FBN2: variants seen among roughly 807,000 people sequenced by gnomAD.
The protein encoded by FBN2 is fibrillin 2.
Under a neutral mutation model 355.6 loss-of-function variants are expected in FBN2, and 105 were observed. That is an observed-to-expected ratio of 0.30 (90% CI 0.25 to 0.35). The LOEUF (loss-of-function observed/expected upper bound fraction) is 0.35. Among genes scored for constraint, FBN2 ranks in the 10% least tolerant of loss-of-function variants. The pLI is 1.00. For missense variants in FBN2, 3,280 were observed against 3,758.7 expected, an observed-to-expected ratio of 0.87 and a Z score of 3.33; for synonymous variants, 1,350 against 1,301.2, an observed-to-expected ratio of 1.04 and a Z score of -0.81.
intron 2 of FBN2, 60 bp downstream of exon 2, chr5:128,536,342 G>C: frequency 1.5e-6 from 2 of 1,336,622 alleles, no homozygotes; most frequent in South Asian, 1.2e-5. Flanking sequence ...AGTGCAAGAG[G>C]TCGGCCGGAG....
At chr5:128,277,075 T>G (rs912295957) in intron 58 of FBN2, among the ~76,000 whole-genome samples, 1 of 152,224 alleles carries the variant, frequency 6.6e-6, no homozygotes, top group Non-Finnish European at 1.5e-5. Context: ...CTATTACTCA[T>G]GCTCTTCTGT....
chr5:128,500,973 T>G (rs1008701994), intron 5 of FBN2, among the ~76,000 whole-genome samples: 2 of 152,206 alleles, frequency 1.3e-5, no homozygotes, highest in Non-Finnish European at 2.9e-5. Context: ...CAGGGTTAGT[T>G]ATCCTCAGCA....
At chr5:128,487,020 C>A (rs1025784707) in intron 5 of FBN2, among the ~76,000 whole-genome samples, 3 of 152,178 alleles carry the variant, frequency 2.0e-5, no homozygotes, top group Non-Finnish European at 4.4e-5. Flanking sequence ...TTCCCAATAT[C>A]CAATTTTCCT....
intron 5 of FBN2, among the ~76,000 whole-genome samples, chr5:128,471,049 A>G (rs1264790731): frequency 6.6e-6 from 1 of 152,182 alleles, no homozygotes; most frequent in Non-Finnish European, 1.5e-5. Flanking sequence ...ATCAACTTGC[A>G]TGGTCTTTCA....
chr5:128,328,838 A>G lies in FBN2; in HGVS notation c.4346-17T>C. The stretch of plus-strand genomic sequence containing the variant: ...CATCAACATCTGTGCAAAAAAGCAA[A>G]TTACATCTCTGTTAAGTTCCAAATT... On this transcript the variant is annotated splice_polypyrimidine_tract_variant and intron_variant, in intron 33 of 64. Transcript: ENST00000262464. 2 of 1,613,976 alleles carry G rather than the reference A, an allele frequency of 1.2e-6. No individual in the cohort carries two copies. The highest frequency in any genetic ancestry group is 1.1e-5 in the South Asian group (1 of 91,066).
At chr5:128,520,132 T>C (rs1756392080) in intron 4 of FBN2, among the ~76,000 whole-genome samples, 2 of 152,296 alleles carry the variant, frequency 1.3e-5, no homozygotes, top group South Asian at 4.1e-4. Context: ...TTTGCTCCTT[T>C]AGCCTTGTGA....
intron 58 of FBN2, among the ~76,000 whole-genome samples, chr5:128,276,386 C>A (rs1474220432): frequency 6.6e-6 from 1 of 152,132 alleles, no homozygotes; most frequent in East Asian, 1.9e-4. Context: ...GTCTAGACAA[C>A]TGTCTGGGTC....
In FBN2 at chr5:128,499,683, C is replaced by A. The variant is rs182600329; in HGVS notation, c.628+19590G>T. On this transcript the variant is annotated intron_variant, in intron 5 of 64. Transcript: ENST00000262464. ...AAGATGAGTAAACACTGATCTAGCC[C>A]AATGTCCTCATTTTTCAAACAAGAA... 7.9e-5 allele frequency among the ~76,000 whole-genome samples: 12 copies of A among 152,266 alleles called. 1 individual carries two copies. Among genetic ancestry groups the A allele is most frequent in the Admixed American group, 1.3e-4 (2 of 15,304 alleles).
At chr5:128,427,121 C>G (rs139373623) in intron 7 of FBN2, among the ~76,000 whole-genome samples, 17 of 152,218 alleles carry the variant, frequency 1.1e-4, no homozygotes, top group Admixed American at 2.0e-4. Flanking sequence ...CAAATTAACC[C>G]TCTAAAACTA....
chr5:128,465,083 T>C (rs553458745), intron 5 of FBN2, among the ~76,000 whole-genome samples, 162 bp from the exon 6 acceptor site: 1 of 152,236 alleles, frequency 6.6e-6, no homozygotes, highest in Non-Finnish European at 1.5e-5. Context: ...TTTCCATTCA[T>C]GAGAAGTACC....
intron 5 of FBN2, among the ~76,000 whole-genome samples, chr5:128,473,321 T>C (rs1189180820): frequency 6.6e-6 from 1 of 152,234 alleles, no homozygotes; most frequent in Non-Finnish European, 1.5e-5. Context: ...AAACAATATC[T>C]TCTTGTTGAA....
chr5:128,350,121 G>T (rs1465532354), intron 21 of FBN2, 116 bp from the exon 22 acceptor site: 3 of 847,126 alleles, frequency 3.5e-6, no homozygotes, highest in African/African-American at 3.4e-5. Context: ...GCAAGGCAGG[G>T]TCTTAGGGTC....
intron 36 of FBN2, among the ~76,000 whole-genome samples, chr5:128,315,197 CTA>C (rs1339137643): frequency 6.6e-6 from 1 of 152,036 alleles, no homozygotes; most frequent in Non-Finnish European, 1.5e-5. Context: ...TATTATAAAA[CTA>C]ATATACAGAA....
chr5:128,423,173 T>C (rs1432940295), intron 7 of FBN2, among the ~76,000 whole-genome samples: 3 of 151,900 alleles, frequency 2.0e-5, no homozygotes, highest in East Asian at 1.9e-4. Context: ...TTGAAACAGA[T>C]AAACAGGCCA....
chr5:128,360,005 A>T (rs1198277817), intron 19 of FBN2, among the ~76,000 whole-genome samples: 1 of 152,120 alleles, frequency 6.6e-6, no homozygotes, highest in Non-Finnish European at 1.5e-5. Flanking sequence ...AGACAGAGAA[A>T]CCAGTTCTAA....
At chr5:128,428,559 T>G (rs747399556) in intron 7 of FBN2, among the ~76,000 whole-genome samples, 1 of 152,176 alleles carries the variant, frequency 6.6e-6, no homozygotes, top group South Asian at 2.1e-4. Context: ...TTCCTTCAGA[T>G]CTTTGCTGAA....
intron 23 of FBN2, among the ~76,000 whole-genome samples, chr5:128,348,763 T>C (rs1259564623): frequency 2.0e-5 from 3 of 152,128 alleles, no homozygotes; most frequent in African/African-American, 7.2e-5. Context: ...AATCATGAAA[T>C]TCAAGTTCAA....
chr5:128,374,798 GTTA>G, intron 14 of FBN2, 48 bp from the exon 15 acceptor site: 1 of 1,609,106 alleles, frequency 6.2e-7, no homozygotes, highest in Non-Finnish European at 8.5e-7. Context: ...TAAATTTAAC[GTTA>G]TTACAGGGTT....
At chr5:128,436,652 C>A (rs1753773976) in intron 7 of FBN2, among the ~76,000 whole-genome samples, 1 of 150,258 alleles carries the variant, frequency 6.7e-6, no homozygotes. Context: ...ATTCTTAAAC[C>A]CAGTGGCTCC....
Sources: allele counts gnomAD v4.1 joint callset (sites outside exome capture counted in the v4.1 genomes callset), GRCh38; gene constraint gnomAD v4.1.1; transcripts MANE v1.5; gene names NCBI Gene and HGNC (gene_info 2026-07-23, HGNC 2026-07-21).